HAT1: variants seen among roughly 807,000 people sequenced by gnomAD.
The protein encoded by HAT1 is histone acetyltransferase type B catalytic subunit.
In HAT1, 20 loss-of-function variants were observed where a neutral mutation model predicts 56.6. The ratio of observed to expected loss-of-function variants is 0.35; its 90% CI spans 0.25 to 0.51. The LOEUF is 0.51. Ranked by LOEUF, HAT1 falls within the 20% of genes least tolerant of loss-of-function variation. The probability of loss-of-function intolerance (pLI) is 0.95; values close to 1 mark genes in which losing one functional copy is unlikely to be tolerated. For missense variants in HAT1, 408 were observed against 504.3 expected (o/e 0.81, Z 1.83); for synonymous variants, 146 against 165.5 (o/e 0.88, Z 0.91).
intron 2 of HAT1, among the ~76,000 whole-genome samples, chr2:171,945,830 C>T (rs896246737): frequency 9.9e-5 from 15 of 152,120 alleles, no homozygotes; most frequent in East Asian, 1.9e-4. Flanking sequence ...CCACCATGCC[C>T]GGCTAATTTT....
chr2:171,950,879 G>A lies in HAT1; in HGVS notation c.189-2002G>A, dbSNP rs562870909. 3.0e-4 allele frequency among the ~76,000 whole-genome samples: 46 copies of A among 152,000 alleles called. No homozygotes were observed. The East Asian group carries it at 7.4e-3, about 24-fold the overall frequency. ...GGAGTGCAATGAATGGTGCGATCTCGGCTCACTGCAAGCTGCGCCTCCTGG... is the reference window on the plus strand; with the variant it reads ...GGAGTGCAATGAATGGTGCGATCTCAGCTCACTGCAAGCTGCGCCTCCTGG... On this transcript the variant is annotated intron_variant, in intron 3 of 10. Coordinates refer to ENST00000264108, the MANE Select transcript of HAT1 (RefSeq NM_003642.4).
intron 2 of HAT1, among the ~76,000 whole-genome samples, chr2:171,936,175 C>T (rs550421003): frequency 6.6e-6 from 1 of 152,172 alleles, no homozygotes; most frequent in African/African-American, 2.4e-5. Flanking sequence ...CAACAGTGAG[C>T]CTGGAGCTAA....
chr2:171,947,667 T>C (rs1185848734), intron 3 of HAT1, among the ~76,000 whole-genome samples: 1 of 152,118 alleles, frequency 6.6e-6, no homozygotes, highest in Non-Finnish European at 1.5e-5. Flanking sequence ...TTGCCTGAGG[T>C]CAGGAGTTCC....
At chr2:171,929,960 C>T (rs985549638) in intron 2 of HAT1, among the ~76,000 whole-genome samples, 3 of 152,120 alleles carry the variant, frequency 2.0e-5, no homozygotes, top group Non-Finnish European at 2.9e-5. Flanking sequence ...TTAAAAAGTT[C>T]TGACTAATCT....
intron 3 of HAT1, among the ~76,000 whole-genome samples, chr2:171,949,000 C>T (rs754895464): frequency 5.9e-5 from 9 of 151,884 alleles, no homozygotes; most frequent in Admixed American, 3.3e-4. Context: ...ACTGTGAGAC[C>T]GAAAATATCC....
At chr2:171,932,074 T>A (rs1420791136) in intron 2 of HAT1, among the ~76,000 whole-genome samples, 7 of 152,226 alleles carry the variant, frequency 4.6e-5, no homozygotes, top group Admixed American at 4.6e-4. Context: ...AAGATAATCA[T>A]AAGATTTTTC....
intron 4 of HAT1, among the ~76,000 whole-genome samples, chr2:171,955,419 C>T (rs150102330): frequency 3.4e-4 from 52 of 152,052 alleles, no homozygotes; most frequent in Admixed American, 1.4e-3. Context: ...TGAGACTAGC[C>T]TGGCCAACAT....
intron 4 of HAT1, among the ~76,000 whole-genome samples, chr2:171,955,355 T>A (rs1558972200): frequency 6.6e-6 from 1 of 152,220 alleles, no homozygotes; most frequent in Non-Finnish European, 1.5e-5. Flanking sequence ...CTCATGCCTG[T>A]AATCCCAGCA....
chr2:171,967,079 A>ATGGCT (rs1231477589), intron 8 of HAT1, 130 bp downstream of exon 8: 2 of 580,238 alleles, frequency 3.4e-6, no homozygotes, highest in Non-Finnish European at 6.2e-6. Context: ...CCATCTAAAG[A>ATGGCT]TGGCTTAAGT....
chr2:171,977,354 CAGG>C (rs1359821215), intron 9 of HAT1, among the ~76,000 whole-genome samples: 2 of 145,240 alleles, frequency 1.4e-5, no homozygotes, highest in African/African-American at 5.1e-5. Flanking sequence ...CCCAGCTACT[CAGG>C]AGGCTGAGGC....
At chr2:171,928,666 G>A (rs553529949) in intron 2 of HAT1, among the ~76,000 whole-genome samples, 1 of 152,174 alleles carries the variant, frequency 6.6e-6, no homozygotes, top group Non-Finnish European at 1.5e-5. Flanking sequence ...CTGCCACCAC[G>A]CCTGGCTAAT....
intron 3 of HAT1, among the ~76,000 whole-genome samples, chr2:171,948,141 T>C (rs1177407116): frequency 1.3e-5 from 2 of 152,238 alleles, no homozygotes; most frequent in African/African-American, 4.8e-5. Flanking sequence ...AGGTTGCAGA[T>C]CTATCCTGAT....
Position 171,935,805 on chromosome 2 carries a change from G to T in HAT1, c.112+10164G>T, listed in dbSNP as rs182853286. The stretch of plus-strand genomic sequence containing the variant: ...GCAGGAGGATCACCTGAGCCTGGGA[G>T]GTTGAGGTTGCAGTGAGCTGTGATT... On this transcript the variant is annotated intron_variant, in intron 2 of 10. Coordinates refer to ENST00000264108, the MANE Select transcript of HAT1 (RefSeq NM_003642.4). Among the ~76,000 whole-genome samples, 383 of 152,056 alleles carry T rather than the reference G, an allele frequency of 2.5e-3. 2 individuals are homozygous for T. Among genetic ancestry groups the T allele is most frequent in the African/African-American group, 8.3e-3 (345 of 41,474 alleles).
At chr2:171,953,036 A>G (rs778965054) in intron 4 of HAT1, 35 bp downstream of exon 4, 1 of 1,476,634 alleles carries the variant, frequency 6.8e-7, no homozygotes, top group Non-Finnish European at 9.3e-7. Context: ...CTGTTTTCCA[A>G]TTTAATTTAT....
At chr2:171,941,000 G>C (rs982415565) in intron 2 of HAT1, among the ~76,000 whole-genome samples, 1 of 152,156 alleles carries the variant, frequency 6.6e-6, no homozygotes, top group African/African-American at 2.4e-5. Flanking sequence ...TACAGTGTGA[G>C]AAAGAGGCAC....
chr2:171,965,763 G>A lies in HAT1; in HGVS notation c.490-24G>A, dbSNP rs367760195. 596 of 1,609,390 alleles carry A rather than the reference G, an allele frequency of 3.7e-4. 7 individuals carry two copies. In the South Asian group the frequency reaches 6.0e-3, roughly 16 times the overall value. ...CTTACCTTTGTGATGAGTTTCACCT[G>A]ACTTTTCCTGGCTTTTTCCCTAGGC... On this transcript the variant is annotated intron_variant, in intron 5 of 10. Transcript: ENST00000264108.
intron 8 of HAT1, among the ~76,000 whole-genome samples, chr2:171,968,932 A>G (rs1301255760): frequency 6.6e-6 from 1 of 152,184 alleles, no homozygotes; most frequent in African/African-American, 2.4e-5. Context: ...AGATAGCCAG[A>G]TCTAATAATA....
chr2:171,967,526 C>CGACTTACT (rs1251535162), intron 8 of HAT1, among the ~76,000 whole-genome samples: 1 of 151,866 alleles, frequency 6.6e-6, no homozygotes, highest in East Asian at 1.9e-4. Flanking sequence ...GAAGGAAAGA[C>CGACTTACT]GACTTACTCG....
chr2:171,979,698 T>C (rs1182600497), intron 10 of HAT1: 1 of 167,174 alleles, frequency 6.0e-6, no homozygotes, highest in African/African-American at 2.4e-5. Flanking sequence ...ATACAGTGAC[T>C]TGGGAGGCTG....
Sources: gnomAD v4.1 joint callset for allele counts (sites outside exome capture counted in the v4.1 genomes callset) on GRCh38, gnomAD v4.1.1 for gene constraint, MANE v1.5 for transcripts, NCBI Gene and HGNC (gene_info 2026-07-23, HGNC 2026-07-21) for gene names.